The following VPS37A variants were observed in gnomAD, a reference collection of about 807,000 sequenced individuals.
The protein encoded by VPS37A is VPS37A subunit of ESCRT-I, also known as vacuolar protein sorting-associated protein 37A.
In VPS37A, 30 loss-of-function variants were observed where a neutral mutation model predicts 49.8. That is an observed-to-expected ratio of 0.60 (90% CI 0.45 to 0.82). The LOEUF is 0.82. Ranked by LOEUF, VPS37A falls within the 40% of genes least tolerant of loss-of-function variation. The pLI is 0.00. For missense variants in VPS37A, 593 were observed against 464.4 expected (o/e 1.28, Z -2.55); for synonymous variants, 195 against 160.6 (o/e 1.21, Z -1.62).
chr8:17,324,636 A>G, the VPS37A span, among the ~76,000 whole-genome samples: 1 of 152,212 alleles, frequency 6.6e-6, no homozygotes. Context: ...CTAAATGACC[A>G]TGTCGATAGC....
At chr8:17,327,642 A>T in the VPS37A span, among the ~76,000 whole-genome samples, 2 of 65,704 alleles carry the variant, frequency 3.0e-5, no homozygotes, top group African/African-American at 3.8e-4. Flanking sequence ...GAAACCTGGT[A>T]AAAAAAAAAA....
intron 1 of VPS37A, among the ~76,000 whole-genome samples, chr8:17,259,110 A>T (rs1359048980): frequency 6.6e-6 from 1 of 151,830 alleles, no homozygotes; most frequent in African/African-American, 2.4e-5. Context: ...TCTGATATTT[A>T]TATTTTTTCT....
intron 1 of VPS37A, among the ~76,000 whole-genome samples, chr8:17,259,101 C>G (rs1812745260): frequency 6.6e-6 from 1 of 151,914 alleles, no homozygotes; most frequent in Admixed American, 6.5e-5. Context: ...GATTTCTGCT[C>G]TGATATTTAT....
intron 6 of VPS37A, among the ~76,000 whole-genome samples, chr8:17,277,582 A>T (rs1437724087): frequency 6.6e-6 from 1 of 151,942 alleles, no homozygotes; most frequent in Admixed American, 6.6e-5. Flanking sequence ...CAGATAATAC[A>T]TCCTTTTTAA....
the VPS37A span, among the ~76,000 whole-genome samples, chr8:17,308,528 A>G: frequency 6.6e-6 from 1 of 152,252 alleles, no homozygotes; most frequent in Non-Finnish European, 1.5e-5. Flanking sequence ...TTTTAAGAAA[A>G]CACAGTAAAA....
chr8:17,326,721 T>A, the VPS37A span, among the ~76,000 whole-genome samples: 1 of 152,136 alleles, frequency 6.6e-6, no homozygotes, highest in Non-Finnish European at 1.5e-5. Context: ...CAACCATAAG[T>A]GCTTGGAAGT....
the VPS37A span, among the ~76,000 whole-genome samples, chr8:17,307,540 A>G: frequency 1.3e-5 from 2 of 152,330 alleles, no homozygotes; most frequent in Admixed American, 6.5e-5. Flanking sequence ...TACTGGGTAT[A>G]TACCCAAAGG....
chr8:17,319,182 T>A, the VPS37A span, among the ~76,000 whole-genome samples: 5 of 152,196 alleles, frequency 3.3e-5, no homozygotes, highest in African/African-American at 1.2e-4. Context: ...GCACTCAAAC[T>A]CCAGCTCTGC....
chr8:17,327,969 A>C, the VPS37A span, among the ~76,000 whole-genome samples: 1 of 152,244 alleles, frequency 6.6e-6, no homozygotes, highest in Non-Finnish European at 1.5e-5. Context: ...TTTAAATGAA[A>C]ATACTTATGA....
chr8:17,247,593 C>G lies in VPS37A; in HGVS notation c.125+224C>G, dbSNP rs975855665. On this transcript the variant is annotated intron_variant, in intron 1 of 11. Coordinates refer to ENST00000324849, the MANE Select transcript of VPS37A (RefSeq NM_152415.3). ...GCACCACTGCTCAGCGCTTCTAACTCGGATTTCCTCATCCCTCCTGACACA... is the reference window on the plus strand; with the variant it reads ...GCACCACTGCTCAGCGCTTCTAACTGGGATTTCCTCATCCCTCCTGACACA... 5.6e-6 allele frequency: 4 copies of G among 718,974 alleles called. No individual in the cohort carries two copies. The African/African-American group carries it at 7.0e-5, about 13-fold the overall frequency. 44.5% of individuals were successfully genotyped at this position (718,974 alleles called of 1,614,324 possible).
intron 1 of VPS37A, among the ~76,000 whole-genome samples, chr8:17,251,913 G>C (rs2904704): frequency 0.96 from 146,388 of 152,224 alleles, 70,627 homozygotes; most frequent in Non-Finnish European, 1. Flanking sequence ...TAAGCTTAAC[G>C]TTTTGATCAC....
At chr8:17,283,239 T>G (rs1815258895) in intron 9 of VPS37A, among the ~76,000 whole-genome samples, 1 of 152,154 alleles carries the variant, frequency 6.6e-6, no homozygotes, top group Non-Finnish European at 1.5e-5. Flanking sequence ...CACTGCAGCC[T>G]TGACCTCCCA....
chr8:17,252,340 T>A (rs970339965), intron 1 of VPS37A, among the ~76,000 whole-genome samples: 12 of 151,958 alleles, frequency 7.9e-5, no homozygotes, highest in African/African-American at 2.9e-4. Context: ...ACTTTTGTTG[T>A]TGTTGTTGTT....
At chr8:17,270,094 C>A (rs548182213) in intron 4 of VPS37A, among the ~76,000 whole-genome samples, 2 of 151,992 alleles carry the variant, frequency 1.3e-5, no homozygotes, top group Non-Finnish European at 2.9e-5. Flanking sequence ...TGAGAACTCA[C>A]TATGGCAAGG....
the VPS37A span, among the ~76,000 whole-genome samples, chr8:17,308,552 A>T: frequency 1.2e-4 from 19 of 152,250 alleles, no homozygotes; most frequent in African/African-American, 4.6e-4. Flanking sequence ...CTGAAAATAT[A>T]TATCAAACTA....
chr8:17,299,930 C>T (rs1310649636), downstream of VPS37A: 7 of 1,614,182 alleles, frequency 4.3e-6, no homozygotes, highest in African/African-American at 1.3e-5. Context: ...GGTGCATGCT[C>T]ACCACCACTT....
At chr8:17,266,062 T>C in intron 2 of VPS37A, 81 bp downstream of exon 2, 1 of 1,251,966 alleles carries the variant, frequency 8.0e-7, no homozygotes, top group South Asian at 1.4e-5. Context: ...AGAAATAAAC[T>C]TTTAAGGTGA....
At chr8:17,302,711 C>CCG (rs968884958), downstream of VPS37A, among the ~76,000 whole-genome samples, 2 of 68,732 alleles carry the variant, frequency 2.9e-5, no homozygotes, top group Non-Finnish European at 4.5e-5. Context: ...TAACCCCCCC[C>CCG]CCCCCGCTTT....
intron 11 of VPS37A, among the ~76,000 whole-genome samples, chr8:17,293,089 A>C (rs751947194): frequency 6.6e-6 from 1 of 152,158 alleles, no homozygotes; most frequent in Non-Finnish European, 1.5e-5. Flanking sequence ...AGGTACACCA[A>C]TCAAACATAG....
Sources: allele counts gnomAD v4.1 joint callset (sites outside exome capture counted in the v4.1 genomes callset), GRCh38; gene constraint gnomAD v4.1.1; transcripts MANE v1.5; gene names NCBI Gene and HGNC (gene_info 2026-07-23, HGNC 2026-07-21).